Variants in ST3GAL1 observed in about 807,000 individuals in gnomAD.
ST3GAL1 encodes the protein CMP-N-acetylneuraminate-beta-galactosamide-alpha-2,3-sialyltransferase 1.
A neutral mutation model predicts 34.1 loss-of-function variants in ST3GAL1; 16 were observed. That is an observed-to-expected ratio of 0.47 (90% CI 0.32 to 0.71). The LOEUF (loss-of-function observed/expected upper bound fraction) is 0.71. Among genes scored for constraint, ST3GAL1 ranks in the 30% least tolerant of loss-of-function variants. The pLI is 0.04. For missense variants in ST3GAL1, 353 were observed against 447.4 expected (o/e 0.79, Z 1.90); for synonymous variants, 191 against 184.7 (o/e 1.03, Z -0.28).
At chr8:133,559,203 A>G (rs1189261119) in intron 1 of ST3GAL1, among the ~76,000 whole-genome samples, 1 of 152,194 alleles carries the variant, frequency 6.6e-6, no homozygotes, top group African/African-American at 2.4e-5. Context: ...CAGTTACCCT[A>G]TGGTGAAATC....
intron 2 of ST3GAL1, among the ~76,000 whole-genome samples, chr8:133,507,323 T>TGGAGAAA (rs1319196166): frequency 1.1e-4 from 16 of 152,230 alleles, no homozygotes; most frequent in Non-Finnish European, 2.1e-4. Flanking sequence ...TGGGTCTGCC[T>TGGAGAAA]GGAGAAAGAG....
chr8:133,514,313 A>G (rs1225317276), intron 2 of ST3GAL1, among the ~76,000 whole-genome samples: 1 of 152,170 alleles, frequency 6.6e-6, no homozygotes, highest in Non-Finnish European at 1.5e-5. Flanking sequence ...GGCCACAGGC[A>G]TTGGGTACTA....
intron 1 of ST3GAL1, among the ~76,000 whole-genome samples, chr8:133,562,051 G>A (rs1464631711): frequency 6.6e-6 from 1 of 151,714 alleles, no homozygotes; most frequent in Non-Finnish European, 1.5e-5. Context: ...CTGCACTCCA[G>A]CCCAGGCAAC....
intron 5 of ST3GAL1, among the ~76,000 whole-genome samples, chr8:133,471,854 G>C (rs1208502716): frequency 2.0e-5 from 3 of 152,212 alleles, no homozygotes; most frequent in East Asian, 3.9e-4. Flanking sequence ...GGATGTCTGG[G>C]ATGGGAAGAT....
intron 5 of ST3GAL1, 48 bp downstream of exon 5, chr8:133,475,671 C>G: frequency 6.6e-7 from 1 of 1,508,896 alleles, no homozygotes; most frequent in Non-Finnish European, 8.9e-7. Context: ...CACTCTCAGT[C>G]CACACCCCAA....
At chr8:133,473,086 GC>G (rs11330166) in intron 5 of ST3GAL1, among the ~76,000 whole-genome samples, 40,553 of 151,926 alleles carry the variant, frequency 0.27, 6,054 homozygotes, top group Non-Finnish European at 0.35. Flanking sequence ...CTGATGCCAG[GC>G]CCCAGTTCCT....
intron 1 of ST3GAL1, among the ~76,000 whole-genome samples, chr8:133,564,023 T>G: frequency 6.6e-6 from 1 of 152,200 alleles, no homozygotes; most frequent in Non-Finnish European, 1.5e-5. Context: ...CCTGCCTCTT[T>G]TGCAACAAAT....
chr8:133,509,722 A>T (rs2131009256), intron 2 of ST3GAL1, among the ~76,000 whole-genome samples: 1 of 152,350 alleles, frequency 6.6e-6, no homozygotes, highest in Non-Finnish European at 1.5e-5. Flanking sequence ...AGCAGAGCTG[A>T]TCATGTCCCT....
chr8:133,477,720 T>C (rs1467448878), intron 3 of ST3GAL1, among the ~76,000 whole-genome samples: 1 of 152,054 alleles, frequency 6.6e-6, no homozygotes. Flanking sequence ...ACCTTGGGAT[T>C]TCTGTATGGT....
In ST3GAL1 at chr8:133,560,060, CTATAG is replaced by C. The variant is rs1053728217; in HGVS notation, c.-582+11628_-582+11632del. Among the ~76,000 whole-genome samples, 12 of 152,104 alleles carry C rather than the reference CTATAG, an allele frequency of 7.9e-5. 1 individual carries two copies. Among genetic ancestry groups the C allele is most frequent in the Non-Finnish European group, 1.3e-4 (9 of 68,024 alleles). On this transcript the variant is annotated intron_variant, in intron 1 of 9. Coordinates refer to ENST00000522652, the MANE Select transcript of ST3GAL1 (RefSeq NM_173344.3). ...AGTGTTCTGTGGCACTGCAGGGTGG[CTATAG>C]TAAACAAGGATTTATAATATATTTT...
chr8:133,564,092 G>A (rs1819322513), intron 1 of ST3GAL1, among the ~76,000 whole-genome samples: 1 of 152,144 alleles, frequency 6.6e-6, no homozygotes, highest in South Asian at 2.1e-4. Flanking sequence ...TTAAACTAAG[G>A]AGACAAGAAC....
chr8:133,475,600 A>ACTCCCACTTTCAGCCCAGGC, intron 5 of ST3GAL1, 119 bp downstream of exon 5: 1 of 1,212,512 alleles, frequency 8.2e-7, no homozygotes, highest in Non-Finnish European at 1.1e-6. Context: ...CTCAGCCCAG[A>ACTCCCACTTTCAGCCCAGGC]CTCCCACTTT....
chr8:133,470,288 G>A (rs1012154389), intron 5 of ST3GAL1, among the ~76,000 whole-genome samples: 8 of 152,100 alleles, frequency 5.3e-5, no homozygotes, highest in Non-Finnish European at 1.0e-4. Context: ...GCGTGATGGT[G>A]CATGCCTGAA....
At chr8:133,491,879 T>C (rs542569086) in intron 3 of ST3GAL1, among the ~76,000 whole-genome samples, 21 of 152,104 alleles carry the variant, frequency 1.4e-4, no homozygotes, top group Non-Finnish European at 2.9e-5. Context: ...CCCACCCCCA[T>C]ACCTGGGCCC....
chr8:133,511,385 G>A (rs1435226370), intron 2 of ST3GAL1, among the ~76,000 whole-genome samples: 1 of 152,232 alleles, frequency 6.6e-6, no homozygotes, highest in African/African-American at 2.4e-5. Flanking sequence ...CACCTAGTAT[G>A]TGACTGGCCC....
intron 2 of ST3GAL1, among the ~76,000 whole-genome samples, chr8:133,514,737 G>C (rs1817594298): frequency 6.6e-6 from 1 of 152,092 alleles, no homozygotes; most frequent in Admixed American, 6.6e-5. Flanking sequence ...TGCAATCCTG[G>C]GGCACTAGGT....
intron 1 of ST3GAL1, among the ~76,000 whole-genome samples, chr8:133,550,222 C>T (rs1000351726): frequency 4.6e-5 from 7 of 152,196 alleles, no homozygotes; most frequent in Non-Finnish European, 1.0e-4. Context: ...TCTTCTCACT[C>T]GTGCTCTGCT....
rs1819543152 is a variant in ST3GAL1 at position 133,570,721 on chromosome 8, G to C, written c.-582+972C>G. ...CGCTTAAACACTCGCGCAGAGAAAG[G>C]AGGAGCGGAAAGTTGCGCCACCGTC... On this transcript the variant is annotated intron_variant, in intron 1 of 9. Coordinates refer to ENST00000522652, the MANE Select transcript of ST3GAL1 (RefSeq NM_173344.3). The surrounding 1 kb of genome is among the most constrained non-coding windows in gnomAD (Gnocchi z 5.6). Among the ~76,000 whole-genome samples the C allele has an allele frequency of 6.6e-6, 1 of 152,124 alleles. No homozygotes were observed.
intron 1 of ST3GAL1, among the ~76,000 whole-genome samples, chr8:133,557,133 C>T (rs1004663134): frequency 3.9e-5 from 6 of 152,064 alleles, no homozygotes; most frequent in Admixed American, 1.3e-4. Flanking sequence ...AGTGAATGGG[C>T]CTAGAATGAC....
Sources: gnomAD v4.1 joint callset for allele counts (sites outside exome capture counted in the v4.1 genomes callset) on GRCh38, gnomAD v4.1.1 for gene constraint, Gnocchi (gnomAD v3.1) non-coding constraint, MANE v1.5 for transcripts, NCBI Gene and HGNC (gene_info 2026-07-23, HGNC 2026-07-21) for gene names.